Variants in NCAN observed in about 807,000 individuals in gnomAD.
The protein encoded by NCAN is neurocan.
A neutral mutation model predicts 121.8 loss-of-function variants in NCAN; 47 were observed. That is an observed-to-expected ratio of 0.39 (90% CI 0.31 to 0.49). The LOEUF (loss-of-function observed/expected upper bound fraction) is 0.49, where lower values mean the gene tolerates loss of function less well. Among genes scored for constraint, NCAN ranks in the 20% least tolerant of loss-of-function variants. The pLI, the probability that NCAN is intolerant of heterozygous loss-of-function variation, is 0.92. For synonymous variants in NCAN, 633 were observed against 702.0 expected, an observed-to-expected ratio of 0.90 and a Z score of 1.55; for missense variants, 1,517 against 1,773.4, an observed-to-expected ratio of 0.86 and a Z score of 2.60.
chr19:19,228,127 C>A lies in NCAN; in HGVS notation c.2507C>A (p.Ala836Asp), dbSNP rs147714647. ...VNPMDSTVTP[A>D]PSDASGIWEP... ...CCCATGGATTCCACAGTCACGCCGG[C>A]CCCCAGTGATGCTAGTGGAATTTGG... Residue 836 changes from alanine to aspartate, a missense_variant, in exon 8 of 15, where the codon GCC becomes GAC. Transcript: ENST00000252575. 1 of 1,613,680 alleles carries A rather than the reference C, an allele frequency of 6.2e-7. No individual in the cohort carries two copies. The highest frequency in any genetic ancestry group is 8.5e-7 in the Non-Finnish European group (1 of 1,180,016).
At position 19,227,970 on chromosome 19, in the gene NCAN, T is replaced by C. The variant is rs773199885; in HGVS notation, c.2350T>C (p.Ser784Pro). 1 of 1,613,338 alleles carries C rather than the reference T, an allele frequency of 6.2e-7. No individual in the cohort carries two copies. The highest frequency in any genetic ancestry group is 2.2e-5 in the East Asian group (1 of 44,868). The change falls in exon 8 of 15, where the codon TCA (serine) becomes CCA (proline). Residue 784 changes from serine to proline, a missense_variant. Physicochemically the swap from Ser to Pro is moderately conservative, Grantham distance 74. Coordinates refer to ENST00000252575, the MANE Select transcript of NCAN (RefSeq NM_004386.3). The surrounding 1 kb of genome is among the most constrained non-coding windows in gnomAD (Gnocchi z 4.2). ...AGATGAGGTGCAGGACCCCTGGCCC[T>C]CAGTGTACAGCAAAGGGCTGGATGC... is the stretch of plus-strand genomic sequence containing the variant. Reference protein sequence around the residue: ...TVDEVQDPWPSVYSKGLDASS... With the variant: ...TVDEVQDPWPPVYSKGLDASS...
chr19:19,216,886 C>A, intron 1 of NCAN, 61 bp from the exon 2 acceptor site: 2 of 1,030,234 alleles, frequency 1.9e-6, no homozygotes, highest in Non-Finnish European at 2.6e-6. Flanking sequence ...TCCTGCAATG[C>A]TGAATATCTG....
chr19:19,245,477 T>A lies in NCAN; in HGVS notation c.3637+20T>A, dbSNP rs752089436. ...GCACAGGTATGCTGTGCCCCCTGCT[T>A]CTTTTCCTCTCTGTCACTTTTGCTC... is the stretch of plus-strand genomic sequence containing the variant. On this transcript the variant is annotated intron_variant, in intron 13 of 14. Coordinates refer to ENST00000252575, the MANE Select transcript of NCAN (RefSeq NM_004386.3). 1.2e-6 allele frequency: 2 copies of A among 1,606,600 alleles called. No individual in the cohort carries two copies. The highest frequency in any genetic ancestry group is 1.7e-6 in the Non-Finnish European group (2 of 1,175,490).
intron 8 of NCAN, among the ~76,000 whole-genome samples, chr19:19,230,336 C>T (rs1490784026): frequency 6.6e-6 from 1 of 151,876 alleles, no homozygotes; most frequent in East Asian, 1.9e-4. Context: ...TGAGCCATAG[C>T]ACCCAGTCGA....
rs112451049 is a variant in NCAN, at chr19:19,236,729, CT to C, written c.3251-1508del. ...ACAGACATGAGCCACTGTGCTTGGCCTTTTTTTTTTTTTTTTGAAACAGGTT... is the reference window on the plus strand; with the variant it reads ...ACAGACATGAGCCACTGTGCTTGGCCTTTTTTTTTTTTTTTGAAACAGGTT... On this transcript the variant is annotated intron_variant, in intron 10 of 14. Transcript: ENST00000252575. Among the ~76,000 whole-genome samples, 649 of 136,340 alleles carry C rather than the reference CT, an allele frequency of 4.8e-3. 1 individual carries two copies. Among genetic ancestry groups the C allele is most frequent in the African/African-American group, 5.2e-3 (194 of 37,654 alleles). The allele number at this position is 136,340 out of a possible 152,430, so 89.4% of individuals were successfully genotyped here.
At chr19:19,219,430 C>G (rs1184144490) in intron 3 of NCAN, 114 bp downstream of exon 3, 1 of 1,167,240 alleles carries the variant, frequency 8.6e-7, no homozygotes, top group African/African-American at 1.6e-5. Context: ...CCTGGTGTCT[C>G]ATGCCTGTAA....
intron 8 of NCAN, among the ~76,000 whole-genome samples, chr19:19,229,766 T>C (rs1417031119): frequency 1.3e-5 from 2 of 152,060 alleles, no homozygotes; most frequent in Non-Finnish European, 2.9e-5. Flanking sequence ...TTTGGCCAAA[T>C]GAAATTTAGA....
In NCAN at chr19:19,251,068, AG is replaced by A. The variant is rs1475677450; in HGVS notation, c.*1159del. The A allele has an allele frequency of 6.6e-6, 1 of 152,182 alleles. No homozygotes were observed. The highest frequency in any genetic ancestry group is 1.5e-5 in the Non-Finnish European group (1 of 68,048). The allele number at this position is 152,182 out of a possible 1,614,324, so 9.4% of individuals were successfully genotyped here. A position where few individuals can be genotyped will look rare whatever the true frequency, so the allele number is the denominator to read the frequency against. ...CTCCCCCAAATGTGCAACCTGTAAA[AG>A]GTCTCTCCACACCAGGGGCCAGGAT... On this transcript the variant is annotated 3_prime_UTR_variant, in exon 15 of 15. Transcript: ENST00000252575.
chr19:19,238,325 C>T lies in NCAN; in HGVS notation c.3323C>T (p.Ala1108Val). 1 of 1,614,192 alleles carries T rather than the reference C, an allele frequency of 6.2e-7. No individual in the cohort carries two copies. The highest frequency in any genetic ancestry group is 8.5e-7 in the Non-Finnish European group (1 of 1,180,032). The change falls in exon 11 of 15, where the codon GCA becomes GTA. Residue 1108 changes from alanine (A) to valine (V), a missense_variant. Ala to Val is a moderately conservative substitution (Grantham distance 64). Coordinates refer to ENST00000252575, the MANE Select transcript of NCAN (RefSeq NM_004386.3). ...TACCGCTATTTTGCCCACCGGAGGG[C>T]ATGGGAAGATGCCGAGAAGGACTGC... ...HCYRYFAHRRAWEDAEKDCRR... is the reference protein window; with the variant it reads ...HCYRYFAHRRVWEDAEKDCRR...
intron 2 of NCAN, among the ~76,000 whole-genome samples, chr19:19,217,762 A>G (rs1356185973): frequency 6.6e-6 from 1 of 151,992 alleles, no homozygotes; most frequent in Non-Finnish European, 1.5e-5. Context: ...TGAGGCAGGC[A>G]GATCACTTGA....
intron 8 of NCAN, among the ~76,000 whole-genome samples, chr19:19,231,593 G>T (rs1048628060): frequency 1.3e-5 from 2 of 152,102 alleles, no homozygotes; most frequent in African/African-American, 4.8e-5. Context: ...CTCCCGAAGT[G>T]CTGGGATTAC....
rs767536467 is a variant in NCAN, at chr19:19,249,797, C to CCACCACCACCAA, written c.3864_3875dup (p.Gln1292_His1295dup). 1.2e-6 allele frequency: 2 copies of CCACCACCACCAA among 1,610,670 alleles called. No individual in the cohort carries two copies. Among genetic ancestry groups the CCACCACCACCAA allele is most frequent in the Non-Finnish European group, 1.7e-6 (2 of 1,178,744 alleles). ...GTTCACATCGGATGCGGCGACACCA[C>CCACCACCACCAA]CACCACCACCAACACCACCACCAGC... On this transcript the variant is annotated inframe_insertion, in exon 15 of 15. Coordinates refer to ENST00000252575, the MANE Select transcript of NCAN (RefSeq NM_004386.3).
Position 19,216,983 on chromosome 19 carries a change from C to A in NCAN, c.30C>A (p.Gly10=). 2.3e-6 allele frequency: 3 copies of A among 1,312,194 alleles called. No homozygotes were observed. The highest frequency in any genetic ancestry group is 2.9e-6 in the Non-Finnish European group (3 of 1,021,240). 81.3% of individuals were successfully genotyped at this position (1,312,194 alleles called of 1,614,324 possible). The change falls in exon 2 of 15, where the codon GGC becomes GGA. Residue 10 remains glycine (G), a synonymous_variant. Coordinates refer to ENST00000252575, the MANE Select transcript of NCAN (RefSeq NM_004386.3). ...GGGCCCCGTTTGTCTGGGCCTTGGGCCTTTTGATGCTGCAGATGCTGCTCT... is the reference window on the plus strand; with the variant it reads ...GGGCCCCGTTTGTCTGGGCCTTGGGACTTTTGATGCTGCAGATGCTGCTCT... MGAPFVWAL[G]LLMLQMLLFV...
chr19:19,240,175 C>T (rs1599821364), intron 11 of NCAN, among the ~76,000 whole-genome samples: 1 of 149,832 alleles, frequency 6.7e-6, no homozygotes, highest in African/African-American at 2.5e-5. Flanking sequence ...TTTCCTCCCC[C>T]TCATCTCTCT....
intron 1 of NCAN, 140 bp from the exon 2 acceptor site, chr19:19,216,807 T>C (rs1490311195): frequency 2.1e-6 from 1 of 468,758 alleles, no homozygotes; most frequent in African/African-American, 2.0e-5. Flanking sequence ...TGGCTCCTTC[T>C]GTGACCTAGA....
In NCAN at chr19:19,245,184, G is replaced by A. The variant is rs2060920036; in HGVS notation, c.3493-129G>A. On this transcript the variant is annotated intron_variant, in intron 12 of 14. Coordinates refer to ENST00000252575, the MANE Select transcript of NCAN (RefSeq NM_004386.3). ...CAGGATGGGCAGGACAGTGGCCATT[G>A]TAGAGATGGGAACACTGAATCCCTG... 5 of 1,165,170 alleles carry A rather than the reference G, an allele frequency of 4.3e-6. No individual in the cohort carries two copies. In the Admixed American group the frequency reaches 1.0e-4, roughly 23 times the overall value. 72.2% of individuals were successfully genotyped at this position (1,165,170 alleles called of 1,614,324 possible).
chr19:19,220,975 G>C (rs1345865654), intron 3 of NCAN, among the ~76,000 whole-genome samples: 5 of 152,102 alleles, frequency 3.3e-5, no homozygotes, highest in Admixed American at 2.0e-4. Flanking sequence ...GCTCATGTCT[G>C]TAATCCCAGC....
At chr19:19,247,856 G>A (rs1226702559) in intron 13 of NCAN, among the ~76,000 whole-genome samples, 5 of 152,278 alleles carry the variant, frequency 3.3e-5, no homozygotes, top group African/African-American at 9.6e-5. Context: ...TTCCAGCCCT[G>A]TGAGATAAGA....
chr19:19,214,729 TG>T (rs2060790009), intron 1 of NCAN, among the ~76,000 whole-genome samples: 1 of 12,880 alleles, frequency 7.8e-5, no homozygotes, highest in East Asian at 1.7e-3. Context: ...GTTAACGGGG[TG>T]TGTGTGTGTG....
Sources: allele counts gnomAD v4.1 joint callset (sites outside exome capture counted in the v4.1 genomes callset), GRCh38; gene constraint gnomAD v4.1.1; non-coding constraint Gnocchi (gnomAD v3.1); transcripts MANE v1.5; gene names NCBI Gene and HGNC (gene_info 2026-07-23, HGNC 2026-07-21).